PCNT: variants seen among roughly 807,000 people sequenced by gnomAD.
PCNT encodes the protein kendrin.
PCNT carries 319 observed loss-of-function variants against 380.4 expected under a neutral mutation model. That is an observed-to-expected ratio of 0.84 (90% CI 0.77 to 0.92). The LOEUF (loss-of-function observed/expected upper bound fraction) is 0.92. Ranked by LOEUF, PCNT falls within the 40% of genes least tolerant of loss-of-function variation. The pLI is 0.00. For synonymous variants in PCNT, 1,845 were observed against 1,735.2 expected (o/e 1.06, Z -1.57); for missense variants, 4,400 against 4,255.3 (o/e 1.03, Z -0.95).
In PCNT at chr21:46,355,472, G is replaced by T. The variant is rs749705237; in HGVS notation, c.1782G>T (p.Gln594His). Residue 594 changes from glutamine (Q) to histidine (H), a missense_variant, in exon 12 of 47, where the codon CAG becomes CAT. Coordinates refer to ENST00000359568, the MANE Select transcript of PCNT (RefSeq NM_006031.6). ...ERHKESLPRF[Q>H]AELEESHRHQ... ...TGTAGGAGAGCCTGCCACGCTTCCA[G>T]GCGGAGTTAGAAGAAAGCCACAGGC... 27 of 1,613,994 alleles carry T rather than the reference G, an allele frequency of 1.7e-5. No homozygotes were observed. Among genetic ancestry groups the T allele is most frequent in the East Asian group, 2.2e-5 (1 of 44,882 alleles).
chr21:46,347,486 A>G lies in PCNT; in HGVS notation c.1006A>G (p.Met336Val). 2 of 1,608,334 alleles carry G rather than the reference A, an allele frequency of 1.2e-6. No individual in the cohort carries two copies. Among genetic ancestry groups the G allele is most frequent in the Non-Finnish European group, 1.7e-6 (2 of 1,176,766 alleles). ...AELKEKLQSEMEKNAQIVKTL... is the reference protein window; with the variant it reads ...AELKEKLQSEVEKNAQIVKTL... ...GCTGAAGGAGAAGTTACAATCAGAAATGGAGAAAAACGCCCAGATAGTAAA... is the reference window on the plus strand; with the variant it reads ...GCTGAAGGAGAAGTTACAATCAGAAGTGGAGAAAAACGCCCAGATAGTAAA... The change falls in exon 6 of 47, where the codon ATG becomes GTG. Residue 336 changes from methionine to valine, a missense_variant. Met to Val is a conservative substitution (Grantham distance 21). Transcript: ENST00000359568.
intron 41 of PCNT, among the ~76,000 whole-genome samples, chr21:46,439,013 A>G (rs2053538130): frequency 6.6e-6 from 1 of 152,078 alleles, no homozygotes; most frequent in South Asian, 2.1e-4. Flanking sequence ...GGATAGAGTT[A>G]TCTTCCGGAA....
chr21:46,349,404 G>C (rs1371894250), intron 7 of PCNT, among the ~76,000 whole-genome samples: 1 of 152,158 alleles, frequency 6.6e-6, no homozygotes, highest in African/African-American at 2.4e-5. Flanking sequence ...GATTTTTCTT[G>C]GCATGTTCAG....
chr21:46,399,476 G>T (rs577289589), intron 24 of PCNT, 114 bp from the exon 25 acceptor site: 2 of 769,390 alleles, frequency 2.6e-6, no homozygotes, highest in African/African-American at 3.5e-5. Flanking sequence ...TTGGGTCTAG[G>T]GGAGGGCATA....
chr21:46,404,862 G>A (rs146152138), intron 27 of PCNT, among the ~76,000 whole-genome samples: 7,524 of 152,120 alleles, frequency 0.049, 222 homozygotes, highest in African/African-American at 0.074. Flanking sequence ...TTGAACCCAG[G>A]AGATGGAGGA....
chr21:46,382,800 C>T (rs1230162074), intron 16 of PCNT, among the ~76,000 whole-genome samples: 5 of 120,224 alleles, frequency 4.2e-5, no homozygotes, highest in East Asian at 2.7e-4. Context: ...AGCGCATTCA[C>T]GGTGTGCATT....
At chr21:46,344,089 G>T (rs1802691832) in intron 3 of PCNT, among the ~76,000 whole-genome samples, 1 of 149,618 alleles carries the variant, frequency 6.7e-6, no homozygotes, top group Admixed American at 6.6e-5. Context: ...TTTTGAGATG[G>T]AGTATCGCTC....
chr21:46,427,444 C>T (rs2087553859), intron 33 of PCNT, among the ~76,000 whole-genome samples, 178 bp from the exon 34 acceptor site: 1 of 152,188 alleles, frequency 6.6e-6, no homozygotes, highest in Non-Finnish European at 1.5e-5. Flanking sequence ...GTGCTGTGTC[C>T]TCATATGATG....
At chr21:46,340,948 A>G (rs2083895438) in intron 3 of PCNT, among the ~76,000 whole-genome samples, 1 of 152,164 alleles carries the variant, frequency 6.6e-6, no homozygotes, top group Non-Finnish European at 1.5e-5. Flanking sequence ...CAGTGGTGCC[A>G]TCTCAGCTCA....
chr21:46,398,160 G>T, intron 23 of PCNT, 30 bp downstream of exon 23: 1 of 1,605,194 alleles, frequency 6.2e-7, no homozygotes, highest in South Asian at 1.1e-5. Flanking sequence ...AGTGCTGCTG[G>T]TTGCTGTCTT....
intron 7 of PCNT, 34 bp downstream of exon 7, chr21:46,349,220 A>G (rs35210219): frequency 6.4e-7 from 1 of 1,568,244 alleles, no homozygotes; most frequent in Non-Finnish European, 8.8e-7. Flanking sequence ...TTGGAGTGGG[A>G]CTGAATTTTC....
intron 2 of PCNT, among the ~76,000 whole-genome samples, chr21:46,327,568 G>A (rs983824374): frequency 4.6e-5 from 7 of 152,002 alleles, no homozygotes; most frequent in Admixed American, 3.9e-4. Context: ...GCCTGGCCCT[G>A]TTTTATCTTT....
At chr21:46,326,162 A>G (rs1777996110) in intron 1 of PCNT, among the ~76,000 whole-genome samples, 1 of 152,196 alleles carries the variant, frequency 6.6e-6, no homozygotes, top group African/African-American at 2.4e-5. Context: ...GGTTTTCTTT[A>G]CCAGGCATAA....
chr21:46,329,288 A>G (rs977255657), intron 2 of PCNT, among the ~76,000 whole-genome samples: 1 of 152,178 alleles, frequency 6.6e-6, no homozygotes, highest in Non-Finnish European at 1.5e-5. Context: ...TAACTCTGCT[A>G]TTTGATGCAT....
rs867707490 is a variant in PCNT, at chr21:46,413,205, C to T, written c.6150+213C>T. ...GAGCGGGGAAGGCACGAGGCCCACCCGGGAGAGGCTGGACACGCAGCAGCA... is the reference window on the plus strand; with the variant it reads ...GAGCGGGGAAGGCACGAGGCCCACCTGGGAGAGGCTGGACACGCAGCAGCA... On this transcript the variant is annotated intron_variant, in intron 29 of 46. Transcript: ENST00000359568. Among the ~76,000 whole-genome samples the T allele has an allele frequency of 1.8e-3, 221 of 123,104 alleles. 2 individuals are homozygous for T. The highest frequency in any genetic ancestry group is 1.7e-3 in the African/African-American group (49 of 29,440). The allele number at this position is 123,104 out of a possible 152,430, so 80.8% of individuals were successfully genotyped here.
chr21:46,435,950 A>G lies in PCNT; in HGVS notation c.8798A>G (p.Gln2933Arg). The G allele has an allele frequency of 6.2e-7, 1 of 1,614,212 alleles. No homozygotes were observed. The highest frequency in any genetic ancestry group is 1.1e-5 in the South Asian group (1 of 91,092). The change falls in exon 39 of 47, where the codon CAG becomes CGG. Residue 2933 changes from glutamine (Q) to arginine (R), a missense_variant. Gln to Arg is a conservative substitution (Grantham distance 43). Coordinates refer to ENST00000359568, the MANE Select transcript of PCNT (RefSeq NM_006031.6). Reference protein sequence around the residue: ...QRQRDLHKIKQLQQTVRDLES... With the variant: ...QRQRDLHKIKRLQQTVRDLES... ...CAGCGTGACTTGCATAAGATCAAGC[A>G]GCTTCAGCAGACAGTGAGAGACCTG...
intron 22 of PCNT, among the ~76,000 whole-genome samples, chr21:46,397,813 C>T (rs916199239): frequency 4.6e-5 from 7 of 152,246 alleles, no homozygotes; most frequent in African/African-American, 1.4e-4. Context: ...CAGTCTCAGA[C>T]GTTCCTCTGT....
chr21:46,407,340 C>CTT lies in PCNT; in HGVS notation c.5116-3831_5116-3830dup, dbSNP rs899881614. ...TTGCATAAAGAAGTTTATACTTTCT[C>CTT]TTTTTTTTTTTTTTTTTTTGAGACG... is the stretch of plus-strand genomic sequence containing the variant. On this transcript the variant is annotated intron_variant, in intron 27 of 46. Transcript: ENST00000359568. 8.4e-4 allele frequency among the ~76,000 whole-genome samples: 89 copies of CTT among 106,406 alleles called. 2 individuals are homozygous for CTT. The highest frequency in any genetic ancestry group is 2.9e-3 in the African/African-American group (73 of 25,454). The allele number at this position is 106,406 out of a possible 152,430, so 69.8% of individuals were successfully genotyped here.
intron 10 of PCNT, among the ~76,000 whole-genome samples, chr21:46,353,715 GGTGTGTGTGTGT>G (rs72175446): frequency 4.2e-4 from 54 of 129,046 alleles, no homozygotes; most frequent in South Asian, 1.3e-3. Context: ...CTCTCCTCCA[GGTGTGTGTGTGT>G]GTGTGTGTGT....
Sources: gnomAD v4.1 joint callset for allele counts (sites outside exome capture counted in the v4.1 genomes callset) on GRCh38, gnomAD v4.1.1 for gene constraint, MANE v1.5 for transcripts, NCBI Gene and HGNC (gene_info 2026-07-23, HGNC 2026-07-21) for gene names.